The following ADGRL3 variants were observed in gnomAD, a reference collection of about 807,000 sequenced individuals.
ADGRL3 encodes adhesion G protein-coupled receptor L3.
In ADGRL3, 62 loss-of-function variants were observed where a neutral mutation model predicts 153.5. The ratio of observed to expected loss-of-function variants is 0.40; its 90% CI spans 0.33 to 0.50. The LOEUF (loss-of-function observed/expected upper bound fraction) is 0.50. Among genes scored for constraint, ADGRL3 ranks in the 20% least tolerant of loss-of-function variants. The pLI is 0.47. For missense variants in ADGRL3, 1,641 were observed against 1,859.4 expected (o/e 0.88, Z 2.16); for synonymous variants, 710 against 672.5 (o/e 1.06, Z -0.86).
intron 5 of ADGRL3, among the ~76,000 whole-genome samples, chr4:61,652,903 G>T (rs1250668779): frequency 1.3e-5 from 2 of 151,980 alleles, no homozygotes; most frequent in Non-Finnish European, 2.9e-5. Context: ...CAGTGGGAGG[G>T]TCATTGATAA....
At chr4:61,426,478 G>A (rs1465432300) in intron 2 of ADGRL3, among the ~76,000 whole-genome samples, 1 of 152,142 alleles carries the variant, frequency 6.6e-6, no homozygotes, top group Non-Finnish European at 1.5e-5. Flanking sequence ...AGAGTCAGCA[G>A]TACAGTTATG....
At chr4:61,287,925 T>C (rs2094005087) in intron 1 of ADGRL3, among the ~76,000 whole-genome samples, 1 of 152,000 alleles carries the variant, frequency 6.6e-6, no homozygotes, top group African/African-American at 2.4e-5. Context: ...ATCTATGGGT[T>C]GAGCGGGCCT....
At chr4:61,504,087 G>T (rs988388617) in intron 3 of ADGRL3, among the ~76,000 whole-genome samples, 6 of 152,216 alleles carry the variant, frequency 3.9e-5, no homozygotes, top group Admixed American at 3.9e-4. Flanking sequence ...CAACCTCCTG[G>T]GCTCAAGCAG....
At chr4:61,643,210 G>C (rs529624548) in intron 5 of ADGRL3, among the ~76,000 whole-genome samples, 5 of 151,970 alleles carry the variant, frequency 3.3e-5, no homozygotes, top group African/African-American at 9.7e-5. Context: ...GGGTTTTCTA[G>C]ATATACAATC....
chr4:61,589,573 T>C (rs887845439), intron 5 of ADGRL3, among the ~76,000 whole-genome samples: 1 of 152,106 alleles, frequency 6.6e-6, no homozygotes, highest in African/African-American at 2.4e-5. Context: ...TCTTAATCCT[T>C]TTCTTTTGCT....
At chr4:61,251,810 G>T (rs1480634428) in intron 1 of ADGRL3, among the ~76,000 whole-genome samples, 3 of 142,472 alleles carry the variant, frequency 2.1e-5, no homozygotes, top group Admixed American at 7.0e-5. Flanking sequence ...AAAAGTCATT[G>T]TGATCCTCAA....
intron 21 of ADGRL3, among the ~76,000 whole-genome samples, chr4:62,003,690 CT>C (rs2099148271): frequency 6.6e-6 from 1 of 152,090 alleles, no homozygotes; most frequent in Non-Finnish European, 1.5e-5. Flanking sequence ...AATGGTGAAG[CT>C]TTGCTCAGCC....
chr4:61,519,600 A>G (rs1487323795), intron 4 of ADGRL3, among the ~76,000 whole-genome samples: 1 of 152,202 alleles, frequency 6.6e-6, no homozygotes, highest in Non-Finnish European at 1.5e-5. Flanking sequence ...GAATAAGTAA[A>G]TATTATAGGG....
chr4:61,577,226 G>T (rs1343112998), intron 4 of ADGRL3, among the ~76,000 whole-genome samples: 1 of 148,184 alleles, frequency 6.7e-6, no homozygotes, highest in Admixed American at 6.8e-5. Context: ...GAAATGGGGG[G>T]GGGATGAGGG....
intron 8 of ADGRL3, among the ~76,000 whole-genome samples, chr4:61,769,712 A>G (rs1051131453): frequency 1.4e-5 from 2 of 142,942 alleles, no homozygotes; most frequent in African/African-American, 5.3e-5. Flanking sequence ...TTACAGTCCA[A>G]GGGGGTTTGT....
intron 4 of ADGRL3, among the ~76,000 whole-genome samples, chr4:61,584,856 A>G (rs2098939958): frequency 6.6e-6 from 1 of 152,034 alleles, no homozygotes. Context: ...ATAAGACTTT[A>G]AATACACTTA....
In ADGRL3 at chr4:61,392,651, G is replaced by A. The variant is rs569037829; in HGVS notation, c.-174+9462G>A. 2.1e-3 allele frequency among the ~76,000 whole-genome samples: 248 copies of A among 116,712 alleles called. 1 individual carries two copies. Among genetic ancestry groups the A allele is most frequent in the African/African-American group, 7.8e-3 (234 of 30,110 alleles). The allele number at this position is 116,712 out of a possible 152,430, so 76.6% of individuals were successfully genotyped here. A position where few individuals can be genotyped will look rare whatever the true frequency, so the allele number is the denominator to read the frequency against. On this transcript the variant is annotated intron_variant, in intron 2 of 26. Coordinates refer to ENST00000683033, the MANE Select transcript of ADGRL3 (RefSeq NM_001387552.1). ...CAGTGAGCCCAGATTGCGCCACTGCGCTCCAGCCTGGTGACAGAGCGAGAC... is the reference window on the plus strand; with the variant it reads ...CAGTGAGCCCAGATTGCGCCACTGCACTCCAGCCTGGTGACAGAGCGAGAC...
chr4:61,211,533 A>T (rs918324726), intron 1 of ADGRL3: 2 of 152,216 alleles, frequency 1.3e-5, no homozygotes, highest in Non-Finnish European at 2.9e-5. Flanking sequence ...AGAGGTGCTG[A>T]TAGTATCTGA....
rs1580650063 is a variant in ADGRL3 at position 61,755,156 on chromosome 4, A to T, written c.1399+21602A>T. 2.6e-5 allele frequency among the ~76,000 whole-genome samples: 4 copies of T among 152,116 alleles called. No individual in the cohort carries two copies. In the East Asian group the frequency reaches 5.8e-4, roughly 22 times the overall value. ...CCCAGTAATGGGATGGCTGGGTCAAATGGTATTTCTAGTTCTAGATCCCTG... is the reference window on the plus strand; with the variant it reads ...CCCAGTAATGGGATGGCTGGGTCAATTGGTATTTCTAGTTCTAGATCCCTG... On this transcript the variant is annotated intron_variant, in intron 8 of 26. Coordinates refer to ENST00000683033, the MANE Select transcript of ADGRL3 (RefSeq NM_001387552.1).
intron 2 of ADGRL3, among the ~76,000 whole-genome samples, chr4:61,491,707 A>G (rs2098259691): frequency 6.6e-6 from 1 of 152,136 alleles, no homozygotes; most frequent in Non-Finnish European, 1.5e-5. Flanking sequence ...GGCATGAGCC[A>G]CGATGCCTGT....
At chr4:61,372,644 A>G (rs1226754201) in intron 1 of ADGRL3, among the ~76,000 whole-genome samples, 2 of 152,138 alleles carry the variant, frequency 1.3e-5, no homozygotes, top group African/African-American at 2.4e-5. Flanking sequence ...CTGTCAGACA[A>G]GGACGTTTAA....
rs1580991207 is a variant in ADGRL3, at chr4:61,820,201, G to A, written c.1480+6312G>A. ...CTTTGAATAAAATGTTGTACTCTCT[G>A]CAGTTGCAAAGTAGCCACTGAATTT... On this transcript the variant is annotated intron_variant, in intron 9 of 26. Transcript: ENST00000683033. Among the ~76,000 whole-genome samples the A allele has an allele frequency of 2.6e-5, 4 of 152,256 alleles. No homozygotes were observed. The South Asian group carries it at 8.3e-4, about 32-fold the overall frequency.
At chr4:61,640,278 TA>T (rs898788811) in intron 5 of ADGRL3, among the ~76,000 whole-genome samples, 6 of 152,284 alleles carry the variant, frequency 3.9e-5, no homozygotes, top group Non-Finnish European at 8.8e-5. Flanking sequence ...ACCAGGTTTG[TA>T]ACAGGTGTTT....
At chr4:61,348,553 T>G (rs967426938) in intron 1 of ADGRL3, among the ~76,000 whole-genome samples, 1 of 152,022 alleles carries the variant, frequency 6.6e-6, no homozygotes, top group Non-Finnish European at 1.5e-5. Context: ...ACTTACATTC[T>G]TTGGAAGGTG....
Sources: gnomAD v4.1 joint callset for allele counts (sites outside exome capture counted in the v4.1 genomes callset) on GRCh38, gnomAD v4.1.1 for gene constraint, MANE v1.5 for transcripts, NCBI Gene and HGNC (gene_info 2026-07-23, HGNC 2026-07-21) for gene names.